SGMS1: variants seen among roughly 807,000 people sequenced by gnomAD.
SGMS1 encodes the protein phosphatidylcholine:ceramide cholinephosphotransferase 1.
Under a neutral mutation model 46.2 loss-of-function variants are expected in SGMS1, and 13 were observed. The observed-to-expected ratio is 0.28, with a 90% CI of 0.18 to 0.45. SGMS1 has a LOEUF of 0.45. SGMS1 is among the 20% of genes least tolerant of loss of function. The probability of loss-of-function intolerance (pLI) is 1.00; values close to 1 mark genes in which losing one functional copy is unlikely to be tolerated. For missense variants in SGMS1, 324 were observed against 519.9 expected, an observed-to-expected ratio of 0.62 and a Z score of 3.66; for synonymous variants, 203 against 187.8, an observed-to-expected ratio of 1.08 and a Z score of -0.66.
intron 1 of SGMS1, among the ~76,000 whole-genome samples, chr10:50,614,735 T>C (rs1027990125): frequency 5.9e-5 from 9 of 152,216 alleles, no homozygotes; most frequent in Non-Finnish European, 1.2e-4. Flanking sequence ...CTAACCTGTG[T>C]ATTACAACGC....
At chr10:50,491,630 C>T (rs1222127613) in intron 3 of SGMS1, among the ~76,000 whole-genome samples, 1 of 152,278 alleles carries the variant, frequency 6.6e-6, no homozygotes, top group Non-Finnish European at 1.5e-5. Context: ...GAAATTGAAT[C>T]CCTGAACAGA....
At chr10:50,455,324 C>G (rs997241911) in intron 5 of SGMS1, among the ~76,000 whole-genome samples, 5 of 152,188 alleles carry the variant, frequency 3.3e-5, no homozygotes, top group African/African-American at 7.2e-5. Context: ...TCATAATTTA[C>G]CCCTTTCCTG....
chr10:50,429,169 C>T (rs1469438354), intron 6 of SGMS1, among the ~76,000 whole-genome samples: 1 of 152,146 alleles, frequency 6.6e-6, no homozygotes, highest in African/African-American at 2.4e-5. Context: ...GTATTTAAAA[C>T]ACACAAGCAC....
intron 6 of SGMS1, among the ~76,000 whole-genome samples, chr10:50,388,298 C>T (rs1848711325): frequency 6.6e-6 from 1 of 151,858 alleles, no homozygotes; most frequent in Admixed American, 6.6e-5. Context: ...AAAATGTTAA[C>T]AATTTAATTA....
chr10:50,398,799 T>A (rs549643774), intron 6 of SGMS1, among the ~76,000 whole-genome samples: 68 of 151,942 alleles, frequency 4.5e-4, no homozygotes, highest in African/African-American at 1.4e-3. Flanking sequence ...ATGGAAAAAA[T>A]ATATATATTA....
chr10:50,435,931 C>T (rs991988139), intron 5 of SGMS1, among the ~76,000 whole-genome samples: 5 of 152,136 alleles, frequency 3.3e-5, no homozygotes, highest in Non-Finnish European at 5.9e-5. Flanking sequence ...CGTCTTTTAC[C>T]TTCAGAACCA....
rs36028635 is a variant in SGMS1, at chr10:50,416,837, T to TAAAAAA, written c.-232+16633_-232+16638dup. Among the ~76,000 whole-genome samples the TAAAAAA allele has an allele frequency of 6.0e-5, 7 of 117,276 alleles. 1 individual carries two copies. Among genetic ancestry groups the TAAAAAA allele is most frequent in the Non-Finnish European group, 1.0e-4 (6 of 58,722 alleles). 76.9% of individuals were successfully genotyped at this position (117,276 alleles called of 152,430 possible). On this transcript the variant is annotated intron_variant, in intron 6 of 10. Coordinates refer to ENST00000361781, the MANE Select transcript of SGMS1 (RefSeq NM_147156.4). ...TCTAGGGAAGTTTCCTTTATAGAAC[T>TAAAAAA]AAAAAAAAAAAAAAAAAAAAAGCCA...
intron 5 of SGMS1, among the ~76,000 whole-genome samples, chr10:50,451,273 C>T (rs1438698622): frequency 1.3e-5 from 2 of 152,074 alleles, no homozygotes; most frequent in Non-Finnish European, 2.9e-5. Flanking sequence ...ATGTGGCTGA[C>T]AAGTGATGCT....
At chr10:50,520,412 G>C (rs1279870844) in intron 2 of SGMS1, among the ~76,000 whole-genome samples, 1 of 152,080 alleles carries the variant, frequency 6.6e-6, no homozygotes, top group Non-Finnish European at 1.5e-5. Context: ...CTTATTAACA[G>C]TAACTTAATA....
chr10:50,623,575 C>A, intron 1 of SGMS1, 132 bp downstream of exon 1: 7 of 985,112 alleles, frequency 7.1e-6, no homozygotes, highest in Non-Finnish European at 8.4e-6. Flanking sequence ...ACCGCGCGGG[C>A]TGCGCTCACG....
At chr10:50,395,825 T>C (rs902243924) in intron 6 of SGMS1, among the ~76,000 whole-genome samples, 1 of 152,200 alleles carries the variant, frequency 6.6e-6, no homozygotes, top group African/African-American at 2.4e-5. Context: ...TGAAGGATTA[T>C]GGGTGGGGCT....
At position 50,477,850 on chromosome 10, in the gene SGMS1, A is replaced by G. The variant is rs117172054; in HGVS notation, c.-497-10918T>C. On this transcript the variant is annotated intron_variant, in intron 3 of 10. Coordinates refer to ENST00000361781, the MANE Select transcript of SGMS1 (RefSeq NM_147156.4). ...CTTCTGCCACGATTGTAAGTTTCCTAAGGCCTCCCCAGAAGCAGAAGCCTG... is the reference window on the plus strand; with the variant it reads ...CTTCTGCCACGATTGTAAGTTTCCTGAGGCCTCCCCAGAAGCAGAAGCCTG... Among the ~76,000 whole-genome samples the G allele has an allele frequency of 2.4e-4, 36 of 152,234 alleles. 1 individual carries two copies. The East Asian group carries it at 6.9e-3, about 29-fold the overall frequency.
intron 2 of SGMS1, among the ~76,000 whole-genome samples, chr10:50,536,310 G>A (rs1838001501): frequency 6.6e-6 from 1 of 152,056 alleles, no homozygotes; most frequent in Non-Finnish European, 1.5e-5. Flanking sequence ...AAACAGTCAA[G>A]ACCCTGTCTC....
intron 3 of SGMS1, among the ~76,000 whole-genome samples, chr10:50,499,847 G>A (rs1243262678): frequency 6.6e-6 from 1 of 152,176 alleles, no homozygotes. Context: ...GTATGGCTTA[G>A]GCTAAATTCA....
At chr10:50,608,583 T>C (rs1201219494) in intron 1 of SGMS1, among the ~76,000 whole-genome samples, 1 of 151,478 alleles carries the variant, frequency 6.6e-6, no homozygotes, top group Non-Finnish European at 1.5e-5. Context: ...GAAAAGAGAG[T>C]TTCAAGGAAG....
intron 3 of SGMS1, among the ~76,000 whole-genome samples, chr10:50,480,056 T>C (rs1837462251): frequency 6.6e-6 from 1 of 152,164 alleles, no homozygotes; most frequent in African/African-American, 2.4e-5. Context: ...AGTTCTTCTT[T>C]CTCATCAAAC....
chr10:50,478,215 C>A (rs1045561726), intron 3 of SGMS1, among the ~76,000 whole-genome samples: 4 of 151,840 alleles, frequency 2.6e-5, no homozygotes, highest in Non-Finnish European at 5.9e-5. Context: ...AAAAACATAG[C>A]TAAAAACACA....
At chr10:50,565,907 C>T (rs976006461) in intron 2 of SGMS1, among the ~76,000 whole-genome samples, 1 of 152,202 alleles carries the variant, frequency 6.6e-6, no homozygotes, top group African/African-American at 2.4e-5. Context: ...GAGACAGAGA[C>T]AGAGGAGAAT....
chr10:50,412,653 A>C (rs1411806372), intron 6 of SGMS1, among the ~76,000 whole-genome samples: 1 of 152,238 alleles, frequency 6.6e-6, no homozygotes, highest in Non-Finnish European at 1.5e-5. Context: ...TTGCACATAC[A>C]TTTGCTAGGT....
Sources: allele counts gnomAD v4.1 joint callset (sites outside exome capture counted in the v4.1 genomes callset), GRCh38; gene constraint gnomAD v4.1.1; transcripts MANE v1.5; gene names NCBI Gene and HGNC (gene_info 2026-07-23, HGNC 2026-07-21).